FLT1: variants seen among roughly 807,000 people sequenced by gnomAD.
FLT1 encodes the protein fms related receptor tyrosine kinase 1.
Under a neutral mutation model 156.3 loss-of-function variants are expected in FLT1, and 49 were observed. That is an observed-to-expected ratio of 0.31 (90% CI 0.25 to 0.40). The LOEUF (loss-of-function observed/expected upper bound fraction) is 0.40, where lower values mean the gene tolerates loss of function less well. Ranked by LOEUF, FLT1 falls within the 10% of genes least tolerant of loss-of-function variation. The probability of loss-of-function intolerance (pLI) is 1.00; values close to 1 mark genes in which losing one functional copy is unlikely to be tolerated. For missense variants in FLT1, 1,322 were observed against 1,637.2 expected (o/e 0.81, Z 3.32); for synonymous variants, 594 against 583.8 (o/e 1.02, Z -0.25).
At chr13:28,453,948 G>A (rs1879121603) in intron 3 of FLT1, among the ~76,000 whole-genome samples, 1 of 152,094 alleles carries the variant, frequency 6.6e-6, no homozygotes. Flanking sequence ...CCGAGTTTGG[G>A]GGTGCCTAGG....
chr13:28,383,215 A>G lies in FLT1; in HGVS notation c.2116+1670T>C, dbSNP rs1381021090. The stretch of plus-strand genomic sequence containing the variant: ...GCCCACAGCGAGACTCCATCTCAAA[A>G]AAAAAAAGTACAGTCAGCCTTCTGT... On this transcript the variant is annotated intron_variant, in intron 14 of 29. Transcript: ENST00000282397. Among the ~76,000 whole-genome samples the G allele has an allele frequency of 2.0e-5, 3 of 152,286 alleles. No homozygotes were observed. In the East Asian group the frequency reaches 5.8e-4, roughly 29 times the overall value.
At chr13:28,392,206 G>A (rs1164294148) in intron 12 of FLT1, among the ~76,000 whole-genome samples, 1 of 152,202 alleles carries the variant, frequency 6.6e-6, no homozygotes, top group African/African-American at 2.4e-5. Flanking sequence ...GCGTAACAGT[G>A]GCTTACGAAG....
At chr13:28,334,173 G>C (rs745693465) in intron 17 of FLT1, 44 bp from the exon 18 acceptor site, 2 of 1,303,284 alleles carry the variant, frequency 1.5e-6, no homozygotes, top group South Asian at 2.4e-5. Context: ...GAGGCAATAG[G>C]GTGAGTTTAA....
At chr13:28,436,978 T>C (rs1159554530) in intron 4 of FLT1, among the ~76,000 whole-genome samples, 1 of 152,214 alleles carries the variant, frequency 6.6e-6, no homozygotes, top group Non-Finnish European at 1.5e-5. Flanking sequence ...CACCAGCCTC[T>C]GCTCTTAACC....
chr13:28,356,827 T>C (rs1399493466), intron 15 of FLT1, among the ~76,000 whole-genome samples: 1 of 152,212 alleles, frequency 6.6e-6, no homozygotes, highest in Non-Finnish European at 1.5e-5. Context: ...CAATCTGATA[T>C]TTTATGATGT....
chr13:28,367,243 G>A (rs1334684775), intron 14 of FLT1, among the ~76,000 whole-genome samples: 1 of 152,150 alleles, frequency 6.6e-6, no homozygotes, highest in Non-Finnish European at 1.5e-5. Flanking sequence ...AAACTCTGGT[G>A]GTTTTATGCG....
At chr13:28,343,198 G>A (rs544666406) in intron 16 of FLT1, among the ~76,000 whole-genome samples, 1 of 152,098 alleles carries the variant, frequency 6.6e-6, no homozygotes, top group Admixed American at 6.5e-5. Context: ...GGCCAGGCTG[G>A]TCTTGAACTC....
chr13:28,471,918 G>A (rs1880200170), intron 1 of FLT1, among the ~76,000 whole-genome samples: 1 of 151,976 alleles, frequency 6.6e-6, no homozygotes, highest in Non-Finnish European at 1.5e-5. Context: ...ACTCAACATA[G>A]AGCATGAAAA....
rs768316020 is a variant in FLT1 at position 28,431,183 on chromosome 13, C to G, written c.941G>C (p.Arg314Thr). Residue 314 changes from arginine (R) to threonine (T), a missense_variant, in exon 7 of 30, where the codon AGG becomes ACG. Physicochemically the swap from Arg to Thr is moderately conservative, Grantham distance 71. Coordinates refer to ENST00000282397, the MANE Select transcript of FLT1 (RefSeq NM_002019.4). ...AACAGATTTGAATGATGGTCCACTCCTTACACGACAAGTATAAAGTCCTTT... is the reference window on the plus strand; with the variant it reads ...AACAGATTTGAATGATGGTCCACTCGTTACACGACAAGTATAAAGTCCTTT... ...KDKGLYTCRV[R>T]SGPSFKSVNT... is the part of the protein sequence containing the mutation. The G allele has an allele frequency of 1.9e-5, 30 of 1,613,778 alleles. No individual in the cohort carries two copies. The highest frequency in any genetic ancestry group is 2.3e-5 in the Non-Finnish European group (27 of 1,179,786).
intron 10 of FLT1, among the ~76,000 whole-genome samples, chr13:28,415,557 T>C (rs960468819): frequency 2.0e-5 from 3 of 152,210 alleles, no homozygotes; most frequent in Non-Finnish European, 2.9e-5. Context: ...TCATGTAAGA[T>C]GTAAAATCAC....
chr13:28,386,232 CA>C, intron 13 of FLT1: 1 of 1,053,026 alleles, frequency 9.5e-7, no homozygotes, highest in South Asian at 4.6e-5. Context: ...TGCCACGTCC[CA>C]AAACCTTTCC....
chr13:28,306,793 G>C, intron 28 of FLT1, 21 bp from the exon 29 acceptor site: 8 of 1,553,990 alleles, frequency 5.1e-6, no homozygotes, highest in Non-Finnish European at 7.1e-6. Context: ...AAGGAGAAAG[G>C]TTATACTCTT....
At chr13:28,396,845 C>A in intron 12 of FLT1, 115 bp downstream of exon 12, 1 of 730,708 alleles carries the variant, frequency 1.4e-6, no homozygotes, top group South Asian at 1.5e-5. Context: ...CAAAGTTTGA[C>A]AATTCTATGG....
intron 14 of FLT1, among the ~76,000 whole-genome samples, chr13:28,374,117 C>G (rs1327922280): frequency 6.6e-6 from 1 of 152,070 alleles, no homozygotes; most frequent in Non-Finnish European, 1.5e-5. Context: ...GATGGTTTTG[C>G]AACATTGTAA....
chr13:28,356,908 T>C (rs1447277577), intron 15 of FLT1, among the ~76,000 whole-genome samples: 2 of 152,246 alleles, frequency 1.3e-5, no homozygotes, highest in Admixed American at 1.3e-4. Context: ...GTTTTCCAAA[T>C]GTAAGCCACA....
chr13:28,358,587 G>T (rs796574007), intron 14 of FLT1, among the ~76,000 whole-genome samples: 17 of 152,196 alleles, frequency 1.1e-4, no homozygotes, highest in African/African-American at 4.1e-4. Context: ...TATCACCAAG[G>T]GTCTGTTGAG....
At chr13:28,400,392 C>T (rs1169220711) in intron 11 of FLT1, among the ~76,000 whole-genome samples, 1 of 152,132 alleles carries the variant, frequency 6.6e-6, no homozygotes, top group Non-Finnish European at 1.5e-5. Context: ...TGAAACATAT[C>T]CTATGATCAG....
chr13:28,420,518 T>C (rs9943922), intron 10 of FLT1, among the ~76,000 whole-genome samples: 64,315 of 152,060 alleles, frequency 0.42, 15,241 homozygotes, highest in Middle Eastern at 0.6. Context: ...TATTAAAACA[T>C]GAGGTATGTG....
intron 4 of FLT1, among the ~76,000 whole-genome samples, chr13:28,437,960 A>T (rs577045278): frequency 6.6e-6 from 1 of 152,350 alleles, no homozygotes; most frequent in African/African-American, 2.4e-5. Flanking sequence ...GTTTGTGGCA[A>T]TACATAACAT....
Sources: allele counts gnomAD v4.1 joint callset (sites outside exome capture counted in the v4.1 genomes callset), GRCh38; gene constraint gnomAD v4.1.1; transcripts MANE v1.5; gene names NCBI Gene and HGNC (gene_info 2026-07-23, HGNC 2026-07-21).